Variants in SEMA3E observed in about 807,000 individuals in gnomAD.
SEMA3E encodes the protein semaphorin-3E.
Under a neutral mutation model 93.6 loss-of-function variants are expected in SEMA3E, and 49 were observed. That is an observed-to-expected ratio of 0.52 (90% CI 0.42 to 0.66). The LOEUF (loss-of-function observed/expected upper bound fraction) is 0.66, where lower values mean the gene tolerates loss of function less well. Among genes scored for constraint, SEMA3E ranks in the 30% least tolerant of loss-of-function variants. The pLI is 0.00. For missense variants in SEMA3E, 906 were observed against 964.8 expected (o/e 0.94, Z 0.81); for synonymous variants, 363 against 330.7 (o/e 1.10, Z -1.06).
At chr7:83,373,218 T>G (rs780275528) in intron 16 of SEMA3E, 10 of 152,132 alleles carry the variant, frequency 6.6e-5, no homozygotes, top group Middle Eastern at 6.3e-3. Context: ...GTTATTTCCA[T>G]GTCTACCAAC....
chr7:83,501,735 T>C (rs2115604077), intron 1 of SEMA3E, among the ~76,000 whole-genome samples: 1 of 152,342 alleles, frequency 6.6e-6, no homozygotes, highest in African/African-American at 2.4e-5. Context: ...TATATAACTT[T>C]TTATGTTTTT....
At chr7:83,406,243 A>G (rs1487076634) in intron 7 of SEMA3E, among the ~76,000 whole-genome samples, 184 bp from the exon 8 acceptor site, 1 of 151,770 alleles carries the variant, frequency 6.6e-6, no homozygotes, top group Admixed American at 6.6e-5. Context: ...ATTTTTTTTT[A>G]GGTTTCTTCA....
intron 1 of SEMA3E, among the ~76,000 whole-genome samples, chr7:83,528,401 G>A (rs74835194): frequency 0.011 from 1,671 of 152,174 alleles, 29 homozygotes; most frequent in African/African-American, 0.039. Flanking sequence ...CTGATGATAA[G>A]GACTGTTTAA....
intron 1 of SEMA3E, among the ~76,000 whole-genome samples, chr7:83,614,561 A>T (rs116852579): frequency 0.012 from 1,854 of 152,264 alleles, 19 homozygotes; most frequent in Non-Finnish European, 0.019. Flanking sequence ...ACAATAAAAA[A>T]GAAACCCCCA....
chr7:83,555,617 T>C lies in SEMA3E; in HGVS notation c.116-65343A>G, dbSNP rs114323159. ...GTGATTGCGATTTGCCCATCTCTTG[T>C]TACAAATCAGCAAATCAATAGACTC... is the stretch of plus-strand genomic sequence containing the variant. On this transcript the variant is annotated intron_variant, in intron 1 of 16. Coordinates refer to ENST00000643230, the MANE Select transcript of SEMA3E (RefSeq NM_012431.3). Among the ~76,000 whole-genome samples, 267 of 152,280 alleles carry C rather than the reference T, an allele frequency of 1.8e-3. 2 individuals carry two copies. The highest frequency in any genetic ancestry group is 6.3e-3 in the African/African-American group (261 of 41,540).
chr7:83,417,028 G>A (rs931918983), intron 5 of SEMA3E, among the ~76,000 whole-genome samples: 1 of 151,062 alleles, frequency 6.6e-6, no homozygotes, highest in African/African-American at 2.4e-5. Flanking sequence ...GAGAGAGAGA[G>A]AGAGAGAGAA....
rs3068645 is a variant in SEMA3E, at chr7:83,545,552, G to GAAA, written c.116-55281_116-55279dup. ...TAGGTCAAAACTGTTGAAGAGAAAT[G>GAAA]AAAAAAAAAAAAAAAAAGAAATAGT... On this transcript the variant is annotated intron_variant, in intron 1 of 16. Transcript: ENST00000643230. 9.3e-5 allele frequency among the ~76,000 whole-genome samples: 8 copies of GAAA among 86,446 alleles called. 1 individual carries two copies. The highest frequency in any genetic ancestry group is 1.3e-4 in the Non-Finnish European group (6 of 45,010). The allele number at this position is 86,446 out of a possible 152,430, so 56.7% of individuals were successfully genotyped here. A position where few individuals can be genotyped will look rare whatever the true frequency, so the allele number is the denominator to read the frequency against.
intron 4 of SEMA3E, among the ~76,000 whole-genome samples, chr7:83,442,253 TTTAA>T (rs1789129651): frequency 6.6e-6 from 1 of 152,238 alleles, no homozygotes; most frequent in African/African-American, 2.4e-5. Flanking sequence ...TTTCCATTTC[TTTAA>T]TTAATAAATA....
intron 1 of SEMA3E, among the ~76,000 whole-genome samples, chr7:83,609,447 T>C (rs1205487123): frequency 6.6e-6 from 1 of 152,070 alleles, no homozygotes; most frequent in Non-Finnish European, 1.5e-5. Flanking sequence ...GTGAATATTT[T>C]AGGTACATTT....
At chr7:83,506,395 T>G (rs1255977262) in intron 1 of SEMA3E, among the ~76,000 whole-genome samples, 1 of 152,066 alleles carries the variant, frequency 6.6e-6, no homozygotes, top group Non-Finnish European at 1.5e-5. Flanking sequence ...ATCTCACTTA[T>G]TTGTGGGATC....
At chr7:83,460,140 T>A (rs139743483) in intron 4 of SEMA3E, among the ~76,000 whole-genome samples, 3,214 of 152,308 alleles carry the variant, frequency 0.021, 57 homozygotes, top group South Asian at 0.051. Flanking sequence ...GTGATTCAGA[T>A]CGGGGGACCT....
intron 4 of SEMA3E, among the ~76,000 whole-genome samples, chr7:83,445,077 G>A (rs1789199491): frequency 6.6e-6 from 1 of 152,156 alleles, no homozygotes; most frequent in Admixed American, 6.5e-5. Flanking sequence ...AGCAGTGGAG[G>A]AAAATGAGTT....
chr7:83,399,984 A>C (rs758742177), intron 11 of SEMA3E, 44 bp downstream of exon 11: 1 of 1,398,270 alleles, frequency 7.2e-7, no homozygotes, highest in Non-Finnish European at 1.0e-6. Context: ...TATTGAATTT[A>C]AGGGTCAATT....
At chr7:83,525,177 A>G (rs1454966850) in intron 1 of SEMA3E, among the ~76,000 whole-genome samples, 2 of 152,154 alleles carry the variant, frequency 1.3e-5, no homozygotes, top group African/African-American at 2.4e-5. Context: ...CTGAAATTAG[A>G]TGGCATTTTC....
intron 4 of SEMA3E, among the ~76,000 whole-genome samples, chr7:83,440,675 T>C (rs1373325763): frequency 6.6e-6 from 1 of 151,942 alleles, no homozygotes; most frequent in African/African-American, 2.4e-5. Flanking sequence ...TAGCTGGGCA[T>C]AGTGGTACAC....
intron 4 of SEMA3E, among the ~76,000 whole-genome samples, chr7:83,449,812 C>G (rs1188577538): frequency 6.6e-6 from 1 of 152,076 alleles, no homozygotes; most frequent in Non-Finnish European, 1.5e-5. Context: ...TATTTTGGAC[C>G]TTGTTTTAAA....
chr7:83,492,140 C>T (rs966449338), intron 1 of SEMA3E, among the ~76,000 whole-genome samples: 2 of 151,986 alleles, frequency 1.3e-5, no homozygotes, highest in African/African-American at 4.8e-5. Flanking sequence ...GATGGTTACG[C>T]ACTAGCTTGA....
chr7:83,604,785 G>T (rs947448166), intron 1 of SEMA3E, among the ~76,000 whole-genome samples: 3 of 151,482 alleles, frequency 2.0e-5, no homozygotes, highest in Non-Finnish European at 4.4e-5. Flanking sequence ...CACTCCCCTC[G>T]CCCCCCACCC....
intron 1 of SEMA3E, among the ~76,000 whole-genome samples, chr7:83,520,418 C>T (rs535285934): frequency 9.1e-4 from 139 of 152,142 alleles, no homozygotes; most frequent in African/African-American, 3.2e-3. Flanking sequence ...TTCCTTTCTC[C>T]GTATAATCTA....
Sources: gnomAD v4.1 joint callset for allele counts (sites outside exome capture counted in the v4.1 genomes callset) on GRCh38, gnomAD v4.1.1 for gene constraint, MANE v1.5 for transcripts, NCBI Gene and HGNC (gene_info 2026-07-23, HGNC 2026-07-21) for gene names.